The following TRHDE variants were observed in gnomAD, a reference collection of about 807,000 sequenced individuals.
The protein encoded by TRHDE is thyrotropin releasing hormone degrading enzyme.
In TRHDE, 72 loss-of-function variants were observed where a neutral mutation model predicts 125.7. The ratio of observed to expected loss-of-function variants is 0.57; its 90% CI spans 0.47 to 0.70. TRHDE has a LOEUF of 0.70. Ranked by LOEUF, TRHDE falls within the 30% of genes least tolerant of loss-of-function variation. The pLI is 0.00. For synonymous variants in TRHDE, 509 were observed against 509.1 expected (o/e 1.00, Z 0.00); for missense variants, 1,110 against 1,327.1 (o/e 0.84, Z 2.54).
At chr12:72,489,547 C>T (rs547651273) in intron 5 of TRHDE, among the ~76,000 whole-genome samples, 6 of 151,770 alleles carry the variant, frequency 4.0e-5, no homozygotes, top group South Asian at 2.1e-4. Context: ...AGGCAATCTT[C>T]AGCAAAAGAA....
intron 3 of TRHDE, among the ~76,000 whole-genome samples, chr12:72,407,111 GGA>G (rs1417778990): frequency 6.6e-6 from 1 of 152,112 alleles, no homozygotes; most frequent in African/African-American, 2.4e-5. Flanking sequence ...ACTGCTCTGT[GGA>G]GAGTTTCTAT....
intron 1 of TRHDE, among the ~76,000 whole-genome samples, chr12:72,104,245 A>G (rs1875131897): frequency 6.6e-6 from 1 of 152,128 alleles, no homozygotes; most frequent in Non-Finnish European, 1.5e-5. Context: ...TATTTATTAA[A>G]CGCCTTAAAA....
chr12:72,665,669 G>A lies in TRHDE; in HGVS notation c.*2474G>A, dbSNP rs939804721. 3.3e-5 allele frequency: 5 copies of A among 151,512 alleles called. No homozygotes were observed. The highest frequency in any genetic ancestry group is 4.2e-4 in the South Asian group (2 of 4,796). 9.4% of individuals were successfully genotyped at this position (151,512 alleles called of 1,614,324 possible). ...AGTTTTTATCTTTTCTTTTTTGTCG[G>A]CTTTACAAATTATATGTATGCATGA... On this transcript the variant is annotated 3_prime_UTR_variant, in exon 19 of 19. Transcript: ENST00000261180.
intron 1 of TRHDE, among the ~76,000 whole-genome samples, chr12:72,283,110 A>G (rs1353171518): frequency 6.6e-6 from 1 of 152,172 alleles, no homozygotes; most frequent in Non-Finnish European, 1.5e-5. Context: ...GTATATGTTT[A>G]TTTTATTAGC....
intron 2 of TRHDE, among the ~76,000 whole-genome samples, chr12:72,235,228 G>T (rs1323508967): frequency 6.6e-6 from 1 of 152,176 alleles, no homozygotes; most frequent in African/African-American, 2.4e-5. Flanking sequence ...AGGGGACACA[G>T]TTATGGGTTA....
intron 2 of TRHDE, among the ~76,000 whole-genome samples, chr12:72,375,453 T>A (rs941135151): frequency 2.0e-4 from 30 of 152,208 alleles, no homozygotes; most frequent in African/African-American, 7.2e-4. Context: ...GTGTTTCTTT[T>A]GTCTGGGTGT....
intron 5 of TRHDE, among the ~76,000 whole-genome samples, chr12:72,478,396 T>C (rs1394849096): frequency 6.6e-6 from 1 of 152,208 alleles, no homozygotes; most frequent in Non-Finnish European, 1.5e-5. Flanking sequence ...TGTTCCCTCC[T>C]GCTTTTTAAG....
At chr12:72,318,736 A>T (rs35659429) in intron 2 of TRHDE, among the ~76,000 whole-genome samples, 93,348 of 151,872 alleles carry the variant, frequency 0.61, 29,539 homozygotes, top group Non-Finnish European at 0.7. Flanking sequence ...GTGCCTTAAT[A>T]TCCTTGTCTA....
At chr12:72,461,017 A>G (rs1048877065) in intron 3 of TRHDE, among the ~76,000 whole-genome samples, 1 of 152,186 alleles carries the variant, frequency 6.6e-6, no homozygotes, top group African/African-American at 2.4e-5. Flanking sequence ...CTGAAATGAA[A>G]AAAAAATCTT....
intron 3 of TRHDE, among the ~76,000 whole-genome samples, chr12:72,458,445 C>T (rs112256361): frequency 0.031 from 4,740 of 152,126 alleles, 130 homozygotes; most frequent in Non-Finnish European, 0.047. Flanking sequence ...TGCCTTCGTC[C>T]TCTGCCTGTC....
intron 2 of TRHDE, among the ~76,000 whole-genome samples, chr12:72,157,903 G>A (rs1876553213): frequency 6.6e-6 from 1 of 152,136 alleles, no homozygotes; most frequent in Admixed American, 6.6e-5. Flanking sequence ...ATTGAGAAAG[G>A]AGCCTGTGAT....
chr12:72,438,536 C>T (rs2135852378), intron 3 of TRHDE, among the ~76,000 whole-genome samples: 1 of 151,848 alleles, frequency 6.6e-6, no homozygotes, highest in South Asian at 2.1e-4. Context: ...AGCATTTTTT[C>T]ATATACTTTT....
At chr12:72,268,069 A>T (rs1470457387), upstream of TRHDE, among the ~76,000 whole-genome samples, 3 of 152,172 alleles carry the variant, frequency 2.0e-5, no homozygotes, top group Non-Finnish European at 4.4e-5. Flanking sequence ...TAAAAATTTC[A>T]TCAAATGATC....
At chr12:72,458,877 A>G (rs1054970600) in intron 3 of TRHDE, among the ~76,000 whole-genome samples, 8 of 152,144 alleles carry the variant, frequency 5.3e-5, no homozygotes, top group African/African-American at 1.7e-4. Flanking sequence ...GACTTCTTTT[A>G]CAGAATAATG....
At chr12:72,562,303 C>T (rs1592537446) in intron 8 of TRHDE, 73 bp downstream of exon 8, 7 of 717,324 alleles carry the variant, frequency 9.8e-6, no homozygotes, top group East Asian at 8.0e-5. Flanking sequence ...ACATTCATAG[C>T]CTTTATTGAC....
At chr12:72,480,838 CA>C (rs756366253) in intron 5 of TRHDE, among the ~76,000 whole-genome samples, 5 of 152,064 alleles carry the variant, frequency 3.3e-5, no homozygotes, top group Non-Finnish European at 5.9e-5. Flanking sequence ...TTGATAATGC[CA>C]AAAATTATAC....
chr12:72,585,130 T>C (rs1471979539), intron 12 of TRHDE, among the ~76,000 whole-genome samples: 1 of 152,218 alleles, frequency 6.6e-6, no homozygotes, highest in Non-Finnish European at 1.5e-5. Context: ...TTAGCTAGTA[T>C]GGGACTATAG....
At chr12:72,533,650 A>G (rs1489493795) in intron 6 of TRHDE, among the ~76,000 whole-genome samples, 1 of 136,144 alleles carries the variant, frequency 7.3e-6, no homozygotes, top group Non-Finnish European at 1.6e-5. Flanking sequence ...GAGCTTTGCT[A>G]TTTTATTAGT....
intron 3 of TRHDE, among the ~76,000 whole-genome samples, chr12:72,443,650 T>C (rs188823747): frequency 1.3e-5 from 2 of 151,910 alleles, no homozygotes; most frequent in East Asian, 3.9e-4. Context: ...TTTCTCTATA[T>C]ATTTTATATT....
Sources: allele counts gnomAD v4.1 joint callset (sites outside exome capture counted in the v4.1 genomes callset), GRCh38; gene constraint gnomAD v4.1.1; transcripts MANE v1.5; gene names NCBI Gene and HGNC (gene_info 2026-07-23, HGNC 2026-07-21).